ANTXRL: variants seen among roughly 807,000 people sequenced by gnomAD.
ANTXRL encodes anthrax toxin receptor-like.
Under a neutral mutation model 75.4 loss-of-function variants are expected in ANTXRL, and 63 were observed. The observed-to-expected ratio is 0.84, with a 90% CI of 0.68 to 1.03. The LOEUF (loss-of-function observed/expected upper bound fraction) is 1.03, where lower values mean the gene tolerates loss of function less well. ANTXRL is among the 50% of genes least tolerant of loss of function. The pLI is 0.00. For missense variants in ANTXRL, 797 were observed against 789.4 expected (o/e 1.01, Z -0.12); for synonymous variants, 335 against 291.3 (o/e 1.15, Z -1.53).
At position 46,326,462 on chromosome 10, in the gene ANTXRL, G is replaced by C. The variant is rs1554966513; in HGVS notation, c.1411-3137G>C. ...TCTGGGAGTGGCATTATCCTTTCTGGTTCCCGCCATGCCTTCTAACCATGC... is the reference window on the plus strand; with the variant it reads ...TCTGGGAGTGGCATTATCCTTTCTGCTTCCCGCCATGCCTTCTAACCATGC... On this transcript the variant is annotated intron_variant, in intron 16 of 16. Transcript: ENST00000620264. Among the ~76,000 whole-genome samples the C allele has an allele frequency of 2.6e-5, 4 of 152,142 alleles. No homozygotes were observed. The South Asian group carries it at 6.2e-4, about 24-fold the overall frequency.
rs1554959306 is a variant in ANTXRL at position 46,297,697 on chromosome 10, A to T, written c.655-134A>T. The T allele has an allele frequency of 1.4e-5, 13 of 912,150 alleles. No homozygotes were observed. The South Asian group carries it at 2.0e-4, about 14-fold the overall frequency. The allele number at this position is 912,150 out of a possible 1,614,324, so 56.5% of individuals were successfully genotyped here. A position where few individuals can be genotyped will look rare whatever the true frequency, so the allele number is the denominator to read the frequency against. On this transcript the variant is annotated intron_variant, in intron 7 of 16. Coordinates refer to ENST00000620264, the MANE Select transcript of ANTXRL (RefSeq NM_001278688.3). ...TCCCTAAGAGTGGGCTGCTGGCTGGAGAAGTCTGTGACATTCAGAGCCTGA... is the reference window on the plus strand; with the variant it reads ...TCCCTAAGAGTGGGCTGCTGGCTGGTGAAGTCTGTGACATTCAGAGCCTGA...
intron 11 of ANTXRL, 46 bp downstream of exon 11, chr10:46,306,918 C>T: frequency 4.8e-6 from 7 of 1,456,150 alleles, no homozygotes; most frequent in Non-Finnish European, 5.5e-6. Flanking sequence ...ACCAGGGAGT[C>T]AGGGTTGGGC....
At chr10:46,290,627 A>G (rs1413586081) in intron 1 of ANTXRL, among the ~76,000 whole-genome samples, 1 of 152,092 alleles carries the variant, frequency 6.6e-6, no homozygotes, top group African/African-American at 2.4e-5. Context: ...AGTCACCCCA[A>G]TGGGTGTGAA....
intron 1 of ANTXRL, 123 bp from the exon 2 acceptor site, chr10:46,291,935 C>G (rs1263985538): frequency 2.3e-6 from 2 of 855,594 alleles, no homozygotes; most frequent in Non-Finnish European, 3.7e-6. Flanking sequence ...TGTACCCCAG[C>G]CTCAGCTGTG....
chr10:46,301,895 C>G (rs1485570563), intron 9 of ANTXRL, among the ~76,000 whole-genome samples: 1 of 152,166 alleles, frequency 6.6e-6, no homozygotes, highest in Non-Finnish European at 1.5e-5. Context: ...GGGTGGAGGC[C>G]AATGCCCTTG....
chr10:46,314,587 G>A (rs1167099741), intron 16 of ANTXRL, among the ~76,000 whole-genome samples: 3 of 151,958 alleles, frequency 2.0e-5, no homozygotes, highest in African/African-American at 7.3e-5. Context: ...GGAGCAAGTC[G>A]CTGAAATTGT....
rs1266482973 is a variant in ANTXRL at position 46,312,717 on chromosome 10, C to T, written c.1330-519C>T. On this transcript the variant is annotated intron_variant, in intron 15 of 16. Transcript: ENST00000620264. The stretch of plus-strand genomic sequence containing the variant: ...GGAGCCCAGAAAGGCCTGACTGCAG[C>T]GCCGAGTGGCCAAGGGGCTGCCCGC... Among the ~76,000 whole-genome samples, 172 of 148,774 alleles carry T rather than the reference C, an allele frequency of 1.2e-3. 1 individual carries two copies. Among genetic ancestry groups the T allele is most frequent in the African/African-American group, 3.6e-3 (144 of 40,394 alleles).
chr10:46,321,699 A>AT (rs2132894864), intron 16 of ANTXRL, among the ~76,000 whole-genome samples: 1 of 152,296 alleles, frequency 6.6e-6, no homozygotes, highest in South Asian at 2.1e-4. Flanking sequence ...GACATAATGC[A>AT]TTAAAGCCTA....
At position 46,302,727 on chromosome 10, in the gene ANTXRL, T is replaced by TGCAGA. The variant is rs1554960863; in HGVS notation, c.802_803insGCAGA (p.Tyr268CysfsTer15). ...TTTGAATGTTGTCCTTGCAGAACCC[T>TGCAGA]ACCATGTGGTTATTCATGGAAATGG... is the stretch of plus-strand genomic sequence containing the variant. On this transcript the variant is annotated frameshift_variant, in exon 10 of 17. Coordinates refer to ENST00000620264, the MANE Select transcript of ANTXRL (RefSeq NM_001278688.3). LOFTEE classifies it high-confidence loss of function. The TGCAGA allele has an allele frequency of 6.5e-7, 1 of 1,535,458 alleles. No individual in the cohort carries two copies. Among genetic ancestry groups the TGCAGA allele is most frequent in the African/African-American group, 1.4e-5 (1 of 73,094 alleles).
intron 5 of ANTXRL, 119 bp from the exon 6 acceptor site, chr10:46,297,133 C>A (rs1197238093): frequency 1.2e-6 from 1 of 801,650 alleles, no homozygotes; most frequent in African/African-American, 1.7e-5. Flanking sequence ...GGTGGGGGCA[C>A]GTGGCCATGC....
chr10:46,308,288 A>G (rs1485617117), intron 12 of ANTXRL, among the ~76,000 whole-genome samples: 9 of 152,068 alleles, frequency 5.9e-5, no homozygotes, highest in African/African-American at 2.2e-4. Flanking sequence ...CCCAACTGTG[A>G]CAGACACATC....
In ANTXRL at chr10:46,298,050, G is replaced by A; in HGVS notation, c.784G>A (p.Glu262Lys). ...TGTGACATCGGTGGAGCCTTCCTCTGAGTGTGTAGGAGGTGAGAGCTGCGG... is the reference window on the plus strand; with the variant it reads ...TGTGACATCGGTGGAGCCTTCCTCTAAGTGTGTAGGAGGTGAGAGCTGCGG... ...LDVTSVEPSS[E>K]CVGEPYHVVI... Residue 262 changes from glutamate to lysine, a missense_variant, in exon 9 of 17, where the codon GAG (glutamate) becomes AAG (lysine). Glu to Lys is a moderately conservative substitution (Grantham distance 56). Around this residue, in one of 3 missense-constraint regions of ANTXRL, gnomAD observed 56 missense variants for 95.5 expected, o/e 0.59. Transcript: ENST00000620264. 3 of 1,535,756 alleles carry A rather than the reference G, an allele frequency of 2.0e-6. No homozygotes were observed. Among genetic ancestry groups the A allele is most frequent in the Non-Finnish European group, 2.6e-6 (3 of 1,146,708 alleles).
intron 1 of ANTXRL, among the ~76,000 whole-genome samples, chr10:46,288,624 C>A (rs1181604806): frequency 6.6e-6 from 1 of 152,156 alleles, no homozygotes; most frequent in African/African-American, 2.4e-5. Flanking sequence ...CAAGTTGCTT[C>A]ATCATTCTGT....
At chr10:46,296,917 G>A (rs542967904) in intron 5 of ANTXRL, among the ~76,000 whole-genome samples, 6 of 152,316 alleles carry the variant, frequency 3.9e-5, no homozygotes, top group African/African-American at 1.4e-4. Context: ...ACAGGCCTGT[G>A]GTTGTGGAGT....
In ANTXRL at chr10:46,297,235, CTT is replaced by C. The variant is rs1554959025; in HGVS notation, c.509-15_509-14del. On this transcript the variant is annotated splice_polypyrimidine_tract_variant and intron_variant, in intron 5 of 16. Transcript: ENST00000620264. ...TGGTGCCTTTGCTGAGCAGGCCACT[CTT>C]TGCTTCTTCTACAGACAAGGTTCCC... 1.3e-6 allele frequency: 2 copies of C among 1,535,502 alleles called. No individual in the cohort carries two copies. The highest frequency in any genetic ancestry group is 2.0e-5 in the Admixed American group (1 of 50,986).
chr10:46,301,597 G>C (rs1373827496), intron 9 of ANTXRL, among the ~76,000 whole-genome samples: 1 of 152,172 alleles, frequency 6.6e-6, no homozygotes, highest in African/African-American at 2.4e-5. Flanking sequence ...GCCAGGAGCT[G>C]ACATGGAGAA....
rs1159365667 is a variant in ANTXRL at position 46,313,367 on chromosome 10, C to T, written c.1410+51C>T. 20 of 1,493,272 alleles carry T rather than the reference C, an allele frequency of 1.3e-5. No homozygotes were observed. The Middle Eastern group carries it at 5.1e-4, about 38-fold the overall frequency. 92.5% of individuals were successfully genotyped at this position (1,493,272 alleles called of 1,614,324 possible). Reference sequence around the variant, plus strand: ...TGATGGACAAAAGGCCACTGCTTTTCCCCTGACCACTGTCCTCTGGGATTG... The same window carrying T: ...TGATGGACAAAAGGCCACTGCTTTTTCCCTGACCACTGTCCTCTGGGATTG... On this transcript the variant is annotated intron_variant, in intron 16 of 16. Transcript: ENST00000620264.
rs1554955532 is a variant in ANTXRL, at chr10:46,287,425, G to C, written c.163G>C (p.Gly55Arg). ...CTCCAGGAGAGCCCACCACCACCATGGCCCAGGATGGAGGCAGCACTGGCG... is the reference window on the plus strand; with the variant it reads ...CTCCAGGAGAGCCCACCACCACCATCGCCCAGGATGGAGGCAGCACTGGCG... ...LGSRRAHHHHGPGWRQHWRQG... is the reference protein window; with the variant it reads ...LGSRRAHHHHRPGWRQHWRQG... The change falls in exon 1 of 17, where the codon GGC becomes CGC. Residue 55 changes from glycine to arginine, a missense_variant. By Grantham distance (125) the Gly-to-Arg change is moderately radical. Coordinates refer to ENST00000620264, the MANE Select transcript of ANTXRL (RefSeq NM_001278688.3). The C allele has an allele frequency of 6.5e-7, 1 of 1,535,848 alleles. No homozygotes were observed. The highest frequency in any genetic ancestry group is 2.0e-5 in the Admixed American group (1 of 50,980).
intron 16 of ANTXRL, among the ~76,000 whole-genome samples, chr10:46,321,639 TCA>T (rs782751429): frequency 1.4e-4 from 22 of 152,294 alleles, no homozygotes; most frequent in Non-Finnish European, 2.2e-4. Flanking sequence ...TTGATTATCC[TCA>T]GTCAGTGCAT....
Sources: gnomAD v4.1 joint callset for allele counts (sites outside exome capture counted in the v4.1 genomes callset) on GRCh38, gnomAD v4.1.1 for gene constraint, gnomAD v4.1.1 regional missense constraint, MANE v1.5 for transcripts, NCBI Gene and HGNC (gene_info 2026-07-23, HGNC 2026-07-21) for gene names.